Variants in OPTC observed in about 807,000 individuals in gnomAD.
OPTC encodes oculoglycan.
OPTC carries 22 observed loss-of-function variants against 25.4 expected under a neutral mutation model. The ratio of observed to expected loss-of-function variants is 0.87; its 90% confidence interval spans 0.62 to 1.24. The LOEUF (loss-of-function observed/expected upper bound fraction) is 1.24. OPTC is among the 50% of genes most tolerant of loss of function. The pLI is 0.00. For synonymous variants in OPTC, 169 were observed against 179.3 expected, an observed-to-expected ratio of 0.94 and a Z score of 0.46; for missense variants, 417 against 425.2, an observed-to-expected ratio of 0.98 and a Z score of 0.17.
intron 6 of OPTC, 150 bp downstream of exon 6, chr1:203,503,159 G>C (rs1274334992): frequency 1.4e-6 from 1 of 703,144 alleles, no homozygotes; most frequent in African/African-American, 1.8e-5. Context: ...AGGATTGGGA[G>C]GTCTTGTCTA....
chr1:203,508,360 G>A (rs1271022189), intron 7 of OPTC, among the ~76,000 whole-genome samples: 1 of 152,204 alleles, frequency 6.6e-6, no homozygotes, highest in African/African-American at 2.4e-5. Context: ...TTCAAGGCCT[G>A]TATCCTTAGG....
chr1:203,495,849 A>G, intron 1 of OPTC, 116 bp from the exon 2 acceptor site: 1 of 674,266 alleles, frequency 1.5e-6, no homozygotes. Context: ...ATGTGATGAG[A>G]GCACTGAGTC....
At chr1:203,498,583 G>A in intron 3 of OPTC, 98 bp from the exon 4 acceptor site, 1 of 1,468,612 alleles carries the variant, frequency 6.8e-7, no homozygotes, top group East Asian at 2.3e-5. Context: ...CTATCAAAAA[G>A]GCACAGATGG....
intron 4 of OPTC, among the ~76,000 whole-genome samples, chr1:203,499,267 T>A (rs1661335356): frequency 6.6e-6 from 1 of 152,052 alleles, no homozygotes; most frequent in Non-Finnish European, 1.5e-5. Flanking sequence ...TGGGTTCTGA[T>A]CCAAATTCTA....
chr1:203,503,448 C>T, intron 6 of OPTC, 102 bp from the exon 7 acceptor site: 1 of 1,214,784 alleles, frequency 8.2e-7, no homozygotes, highest in South Asian at 1.2e-5. Flanking sequence ...TCCAGTTGCA[C>T]CAGAGCAGGC....
chr1:203,502,531 C>A (rs945527053), intron 5 of OPTC, among the ~76,000 whole-genome samples: 23 of 152,070 alleles, frequency 1.5e-4, no homozygotes, highest in African/African-American at 5.3e-4. Context: ...CATTTGGAGA[C>A]TTGTCATTGG....
At chr1:203,507,539 G>A (rs1472787441) in intron 7 of OPTC, among the ~76,000 whole-genome samples, 1 of 152,214 alleles carries the variant, frequency 6.6e-6, no homozygotes, top group Non-Finnish European at 1.5e-5. Flanking sequence ...GCGGCACCCT[G>A]GTGACTATTC....
rs1244645447 is a variant in OPTC, at chr1:203,496,230, C to T, written c.225C>T (p.Leu75=). The T allele has an allele frequency of 1.2e-6, 2 of 1,611,072 alleles. No individual in the cohort carries two copies. Among genetic ancestry groups the T allele is most frequent in the Non-Finnish European group, 1.7e-6 (2 of 1,177,350 alleles). Residue 75 remains leucine, a synonymous_variant, in exon 2 of 8, where the codon CTC becomes CTT. Coordinates refer to ENST00000367222, the MANE Select transcript of OPTC (RefSeq NM_014359.4). ...AGCTCACAGATTATGGGGACCAACT[C>T]CCCGAGGTGAGGGACACAGCAGACC... The part of the protein sequence containing the change: ...YEELTDYGDQ[L]PEVKVTSLAP...
At chr1:203,500,225 T>C (rs1424860050) in intron 5 of OPTC, among the ~76,000 whole-genome samples, 4 of 292 alleles carry the variant, frequency 0.014, no homozygotes, top group African/African-American at 0.031. Flanking sequence ...CACCACCACC[T>C]ACCACCCACC....
rs745425127 is a variant in OPTC, at chr1:203,503,546, C to T, written c.829-4C>T. ...GAGGCTCAGCTGGTATGTGTTCTTC[C>T]CAGAATAACCTGATAGAGACCATGC... On this transcript the variant is annotated splice_polypyrimidine_tract_variant and splice_region_variant and intron_variant, in intron 6 of 7. Transcript: ENST00000367222. The T allele has an allele frequency of 4.3e-6, 7 of 1,613,232 alleles. No individual in the cohort carries two copies. In the Admixed American group the frequency reaches 1.2e-4, roughly 27 times the overall value.
At chr1:203,505,276 C>T (rs1397997779) in intron 7 of OPTC, among the ~76,000 whole-genome samples, 1 of 152,186 alleles carries the variant, frequency 6.6e-6, no homozygotes, top group Admixed American at 6.5e-5. Flanking sequence ...AATAACCATG[C>T]TATTCAACTC....
chr1:203,496,281 G>C, intron 2 of OPTC, 45 bp downstream of exon 2: 1 of 1,428,866 alleles, frequency 7.0e-7, no homozygotes, highest in South Asian at 1.2e-5. Context: ...ATGACACTGG[G>C]AGTCAGAGGC....
intron 7 of OPTC, among the ~76,000 whole-genome samples, chr1:203,508,240 C>T (rs958110490): frequency 6.6e-6 from 1 of 152,180 alleles, no homozygotes; most frequent in South Asian, 2.1e-4. Flanking sequence ...GGTGCCCCTA[C>T]CACGTCCCCC....
At chr1:203,503,842 A>G in intron 7 of OPTC, 97 bp downstream of exon 7, 1 of 1,030,468 alleles carries the variant, frequency 9.7e-7, no homozygotes, top group Non-Finnish European at 1.5e-6. Flanking sequence ...GCATTAATCA[A>G]CCTCTCGATC....
intron 7 of OPTC, among the ~76,000 whole-genome samples, chr1:203,506,915 C>T (rs1208519047): frequency 6.6e-6 from 1 of 152,248 alleles, no homozygotes; most frequent in East Asian, 1.9e-4. Context: ...GTTTCTTTCC[C>T]CAGGCCATTG....
intron 2 of OPTC, among the ~76,000 whole-genome samples, chr1:203,496,493 G>A (rs900861579): frequency 6.6e-6 from 1 of 152,122 alleles, no homozygotes; most frequent in African/African-American, 2.4e-5. Flanking sequence ...GGAGGGGTTC[G>A]CAATGTCCTC....
chr1:203,502,000 G>C (rs1250510753), intron 5 of OPTC, among the ~76,000 whole-genome samples: 1 of 152,138 alleles, frequency 6.6e-6, no homozygotes, highest in Non-Finnish European at 1.5e-5. Context: ...ACCTGGGTTT[G>C]TGCGAGAGTC....
intron 5 of OPTC, among the ~76,000 whole-genome samples, 160 bp downstream of exon 5, chr1:203,500,011 ACACCTACCACCCACCTACCACCG>A (rs1661351795): frequency 1.5e-5 from 1 of 68,716 alleles, no homozygotes; most frequent in Non-Finnish European, 2.9e-5. Flanking sequence ...ACCCACTTCC[ACACCTACCACCCACCTACCACCG>A]CCACCACCAC....
At chr1:203,498,105 T>G (rs747672) in intron 3 of OPTC, among the ~76,000 whole-genome samples, 88,730 of 152,014 alleles carry the variant, frequency 0.58, 26,783 homozygotes, top group East Asian at 0.78. Context: ...CTAACCTCAT[T>G]ACCCGTGGGT....
Sources: allele counts gnomAD v4.1 joint callset (sites outside exome capture counted in the v4.1 genomes callset), GRCh38; gene constraint gnomAD v4.1.1; transcripts MANE v1.5; gene names NCBI Gene and HGNC (gene_info 2026-07-23, HGNC 2026-07-21).